Variants in CCDC38 observed in about 807,000 individuals in gnomAD.
CCDC38 encodes coiled-coil domain-containing protein 38.
Under a neutral mutation model 72.8 loss-of-function variants are expected in CCDC38, and 69 were observed. That is an observed-to-expected ratio of 0.95 (90% CI 0.78 to 1.16). The LOEUF (loss-of-function observed/expected upper bound fraction) is 1.16. Ranked by LOEUF, CCDC38 falls within the 50% of genes most tolerant of loss-of-function variation. CCDC38 has a pLI of 0.00. For synonymous variants in CCDC38, 201 were observed against 213.2 expected (o/e 0.94, Z 0.50); for missense variants, 626 against 638.9 (o/e 0.98, Z 0.22).
chr12:95,907,073 G>A (rs1156419288), intron 4 of CCDC38, among the ~76,000 whole-genome samples: 1 of 151,738 alleles, frequency 6.6e-6, no homozygotes, highest in Non-Finnish European at 1.5e-5. Context: ...AGCACATCTT[G>A]CACCGTCCTT....
chr12:95,908,334 C>T (rs1307536144), intron 4 of CCDC38, among the ~76,000 whole-genome samples: 7 of 149,502 alleles, frequency 4.7e-5, no homozygotes, highest in East Asian at 2.0e-4. Context: ...TGGCGGCGCG[C>T]GCCTGCAATC....
At chr12:95,923,540 T>A (rs115271276) in intron 2 of CCDC38, among the ~76,000 whole-genome samples, 1 of 49,760 alleles carries the variant, frequency 2.0e-5, no homozygotes, top group Admixed American at 3.1e-4. Flanking sequence ...GTCTTTTTTT[T>A]TTTAATTTAT....
chr12:95,871,657 A>T (rs1000877185), intron 14 of CCDC38, among the ~76,000 whole-genome samples: 6 of 152,370 alleles, frequency 3.9e-5, no homozygotes, highest in Admixed American at 3.9e-4. Context: ...GATAATCCTC[A>T]TGAGGTTGTC....
At chr12:95,933,155 C>G (rs1335020476) in intron 2 of CCDC38, 1 of 152,004 alleles carries the variant, frequency 6.6e-6, no homozygotes, top group Non-Finnish European at 1.5e-5. Context: ...TTCTTAAAAA[C>G]ACAAAAAGTA....
At chr12:95,919,933 T>C (rs191265950) in intron 2 of CCDC38, among the ~76,000 whole-genome samples, 67 of 152,308 alleles carry the variant, frequency 4.4e-4, no homozygotes, top group African/African-American at 1.5e-3. Flanking sequence ...TGGCAGTTCC[T>C]TAAAAAGTTG....
In CCDC38 at chr12:95,917,204, A is replaced by G. The variant is rs1218230945; in HGVS notation, c.229T>C (p.Phe77Leu). The change falls in exon 4 of 16, where the codon TTC (phenylalanine) becomes CTC (leucine). Residue 77 changes from phenylalanine to leucine, a missense_variant. Phe to Leu is a conservative substitution (Grantham distance 22, BLOSUM62 0). Coordinates refer to ENST00000344280, the MANE Select transcript of CCDC38 (RefSeq NM_182496.3). ...KSHSYLSQLAFYPKRSGRSFE... is the reference protein window; with the variant it reads ...KSHSYLSQLALYPKRSGRSFE... Reference sequence around the variant, plus strand: ...GACCTACCACTCCTTTTAGGGTAGAAAGCTAGTTGGCTCAGGTATGAATGA... The same window carrying G: ...GACCTACCACTCCTTTTAGGGTAGAGAGCTAGTTGGCTCAGGTATGAATGA... 20 of 1,610,314 alleles carry G rather than the reference A, an allele frequency of 1.2e-5. No homozygotes were observed. The highest frequency in any genetic ancestry group is 1.4e-5 in the Non-Finnish European group (17 of 1,179,402).
rs79685113 is a variant in CCDC38, at chr12:95,903,552, G to C, written c.369+2835C>G. On this transcript the variant is annotated intron_variant, in intron 5 of 15. Coordinates refer to ENST00000344280, the MANE Select transcript of CCDC38 (RefSeq NM_182496.3). ...CTAGTAGATGTCCTTTTATAAAGTTGAGGAACTTCTCTTCTGTTCCTACTT... is the reference window on the plus strand; with the variant it reads ...CTAGTAGATGTCCTTTTATAAAGTTCAGGAACTTCTCTTCTGTTCCTACTT... 9.9e-4 allele frequency: 672 copies of C among 679,128 alleles called. 4 individuals are homozygous for C. In the African/African-American group the frequency reaches 0.01, roughly 10 times the overall value. 42.1% of individuals were successfully genotyped at this position (679,128 alleles called of 1,614,324 possible). A position where few individuals can be genotyped will look rare whatever the true frequency, so the allele number is the denominator to read the frequency against.
intron 9 of CCDC38, 111 bp downstream of exon 9, chr12:95,890,721 T>G (rs1592766872): frequency 1.7e-6 from 1 of 588,296 alleles, no homozygotes; most frequent in Non-Finnish European, 3.0e-6. Flanking sequence ...GGATTGAGGG[T>G]GGGGTGGACA....
At chr12:95,926,973 A>T (rs1002166427) in intron 2 of CCDC38, among the ~76,000 whole-genome samples, 3 of 152,080 alleles carry the variant, frequency 2.0e-5, no homozygotes, top group Non-Finnish European at 4.4e-5. Context: ...TATGTGGTCA[A>T]TTTTGGAACA....
At chr12:95,929,940 C>G (rs551657196) in intron 2 of CCDC38, among the ~76,000 whole-genome samples, 1 of 152,300 alleles carries the variant, frequency 6.6e-6, no homozygotes, top group South Asian at 2.1e-4. Flanking sequence ...ATTCCAACCT[C>G]TGCCTCCAAC....
At chr12:95,885,833 C>T (rs529582955) in intron 10 of CCDC38, 1 of 152,288 alleles carries the variant, frequency 6.6e-6, no homozygotes, top group Admixed American at 6.5e-5. Context: ...CCCTAAGGCA[C>T]GGGAGCAAGT....
intron 8 of CCDC38, among the ~76,000 whole-genome samples, chr12:95,893,798 A>T (rs941842941): frequency 2.6e-5 from 4 of 152,000 alleles, no homozygotes; most frequent in Non-Finnish European, 5.9e-5. Flanking sequence ...GTATTTTCTA[A>T]TTAATAAAGT....
At chr12:95,907,938 A>C (rs1251116642) in intron 4 of CCDC38, among the ~76,000 whole-genome samples, 2 of 140,146 alleles carry the variant, frequency 1.4e-5, no homozygotes, top group Non-Finnish European at 3.0e-5. Context: ...CTGGGCAGAG[A>C]TGCTCCTCAC....
intron 14 of CCDC38, among the ~76,000 whole-genome samples, chr12:95,871,502 T>C (rs1446966001): frequency 6.6e-6 from 1 of 152,094 alleles, no homozygotes; most frequent in Non-Finnish European, 1.5e-5. Context: ...TACTTAAAAG[T>C]TCTTATTTAA....
chr12:95,942,859 C>T (rs2080468498), upstream of CCDC38: 1 of 153,252 alleles, frequency 6.5e-6, no homozygotes, highest in Non-Finnish European at 1.5e-5. Context: ...AAGCTCCCGT[C>T]CCTGCCCCTG....
At chr12:95,931,075 A>C (rs1215860455) in intron 2 of CCDC38, among the ~76,000 whole-genome samples, 2 of 152,122 alleles carry the variant, frequency 1.3e-5, no homozygotes, top group Admixed American at 1.3e-4. Context: ...AAACAATGCA[A>C]ATTTATTTTC....
At chr12:95,891,048 C>A in intron 8 of CCDC38, 118 bp from the exon 9 acceptor site, 1 of 588,802 alleles carries the variant, frequency 1.7e-6, no homozygotes, top group Non-Finnish European at 3.0e-6. Context: ...CTTCCAGGGA[C>A]AGAAATATAA....
Position 95,867,120 on chromosome 12 carries a change from C to G in CCDC38, c.1648G>C (p.Glu550Gln). Residue 550 changes from glutamate (E) to glutamine (Q), a missense_variant, in exon 16 of 16, where the codon GAA becomes CAA. Transcript: ENST00000344280. ...GNKQQLPLVN[E>Q]TKTKSQEEEY... ...TCCTCTTGTGATTTTGTTTTTGTTT[C>G]ATTGACTAAAGGTAGCTGCTGTTTG... 1 of 1,607,704 alleles carries G rather than the reference C, an allele frequency of 6.2e-7. No homozygotes were observed. The highest frequency in any genetic ancestry group is 8.5e-7 in the Non-Finnish European group (1 of 1,176,632).
At chr12:95,922,511 A>T (rs778966939) in intron 2 of CCDC38, among the ~76,000 whole-genome samples, 12 of 152,172 alleles carry the variant, frequency 7.9e-5, no homozygotes, top group Non-Finnish European at 1.3e-4. Context: ...GAATAATTTC[A>T]TGGCTGACAG....
Sources: allele counts gnomAD v4.1 joint callset (sites outside exome capture counted in the v4.1 genomes callset), GRCh38; gene constraint gnomAD v4.1.1; transcripts MANE v1.5; gene names NCBI Gene and HGNC (gene_info 2026-07-23, HGNC 2026-07-21).